Variants in TASP1 observed in about 807,000 individuals in gnomAD.
TASP1 encodes the protein threonine aspartase 1.
A neutral mutation model predicts 56.6 loss-of-function variants in TASP1; 16 were observed. The observed-to-expected ratio is 0.28, with a 90% CI of 0.19 to 0.43. The LOEUF (loss-of-function observed/expected upper bound fraction) is 0.43. Among genes scored for constraint, TASP1 ranks in the 20% least tolerant of loss-of-function variants. The pLI is 1.00. For synonymous variants in TASP1, 179 were observed against 184.2 expected (o/e 0.97, Z 0.23); for missense variants, 393 against 511.6 (o/e 0.77, Z 2.24).
chr20:13,580,490 C>A (rs2047080988), intron 6 of TASP1, among the ~76,000 whole-genome samples: 1 of 151,752 alleles, frequency 6.6e-6, no homozygotes, highest in East Asian at 1.9e-4. Flanking sequence ...AAACAAAAAA[C>A]CCTATAGGAA....
At chr20:13,460,129 T>G (rs769731649) in intron 11 of TASP1, among the ~76,000 whole-genome samples, 8 of 152,092 alleles carry the variant, frequency 5.3e-5, no homozygotes, top group Non-Finnish European at 1.0e-4. Flanking sequence ...TCCCCTCCAC[T>G]TCATCCAAAC....
the TASP1 span, among the ~76,000 whole-genome samples, chr20:13,311,247 A>AGATAGATAGATGATAGATAGAT: frequency 1.2e-4 from 14 of 116,222 alleles, no homozygotes; most frequent in African/African-American, 4.6e-4. Context: ...GATAGATGAT[A>AGATAGATAGATGATAGATAGAT]GATAGATAGA....
At chr20:13,173,655 T>C in the TASP1 span, among the ~76,000 whole-genome samples, 3 of 152,090 alleles carry the variant, frequency 2.0e-5, no homozygotes, top group Admixed American at 6.6e-5. Context: ...CCTCAGGATA[T>C]GAAAACAGAG....
chr20:13,520,922 T>A (rs2146799539), intron 10 of TASP1, among the ~76,000 whole-genome samples: 1 of 151,912 alleles, frequency 6.6e-6, no homozygotes, highest in African/African-American at 2.4e-5. Flanking sequence ...CCAACAAATT[T>A]ACAAGAAAAA....
the TASP1 span, chr20:13,126,705 G>A: frequency 1.2e-6 from 2 of 1,613,820 alleles, no homozygotes; most frequent in African/African-American, 2.7e-5. Flanking sequence ...GGGACTGGAT[G>A]GGACCACTCA....
At chr20:13,228,442 TTCTA>T in the TASP1 span, among the ~76,000 whole-genome samples, 2 of 152,236 alleles carry the variant, frequency 1.3e-5, no homozygotes, top group Non-Finnish European at 2.9e-5. Context: ...GTTGGCTGTC[TTCTA>T]TCTTATTTCC....
At chr20:13,398,749 T>A (rs547716112) in intron 13 of TASP1, among the ~76,000 whole-genome samples, 1 of 152,232 alleles carries the variant, frequency 6.6e-6, no homozygotes, top group African/African-American at 2.4e-5. Flanking sequence ...GAAAAATGTC[T>A]ATGAAGTGTT....
chr20:13,394,199 G>A (rs951151991), intron 13 of TASP1, among the ~76,000 whole-genome samples: 8 of 147,340 alleles, frequency 5.4e-5, no homozygotes, highest in South Asian at 2.1e-4. Context: ...CAGGAGAATC[G>A]CTTGAACCCA....
intron 10 of TASP1, among the ~76,000 whole-genome samples, chr20:13,520,111 T>G (rs1476946791): frequency 3.9e-4 from 60 of 152,160 alleles, no homozygotes; most frequent in Admixed American, 3.3e-3. Context: ...CACTGCTCAA[T>G]GAAATAAAAC....
the TASP1 span, chr20:13,168,312 G>A: frequency 6.6e-6 from 1 of 151,900 alleles, no homozygotes; most frequent in East Asian, 1.9e-4. Flanking sequence ...GCCTCCTGAG[G>A]AGCTGAGTTT....
At chr20:13,197,971 G>A in the TASP1 span, among the ~76,000 whole-genome samples, 40 of 152,132 alleles carry the variant, frequency 2.6e-4, 1 homozygote, top group Admixed American at 9.8e-4. Flanking sequence ...TAATAATTAG[G>A]CCTTTCCTAA....
the TASP1 span, chr20:13,154,247 G>A: frequency 7.2e-7 from 1 of 1,395,970 alleles, no homozygotes; most frequent in Non-Finnish European, 9.8e-7. Flanking sequence ...AGTGAGTTCA[G>A]AATTCACTCG....
At chr20:13,268,474 A>G in the TASP1 span, among the ~76,000 whole-genome samples, 9 of 150,064 alleles carry the variant, frequency 6.0e-5, no homozygotes, top group African/African-American at 2.0e-4. Flanking sequence ...TGTCAGGGCA[A>G]CTCCCTCTAC....
chr20:13,426,491 A>T (rs2042621670), intron 12 of TASP1, among the ~76,000 whole-genome samples: 1 of 152,176 alleles, frequency 6.6e-6, no homozygotes, highest in South Asian at 2.1e-4. Context: ...TGGAGAAGAA[A>T]ATTACAGATG....
chr20:13,483,441 A>G, intron 10 of TASP1, 104 bp from the exon 11 acceptor site: 1 of 664,456 alleles, frequency 1.5e-6, no homozygotes, highest in Admixed American at 3.3e-5. Context: ...GAGAGTAGTT[A>G]GCTGGGAAAA....
chr20:13,445,245 C>A (rs2043364267), intron 11 of TASP1, among the ~76,000 whole-genome samples: 2 of 152,100 alleles, frequency 1.3e-5, no homozygotes, highest in African/African-American at 4.8e-5. Context: ...TCAATTAAAG[C>A]CTCAGCTTCT....
the TASP1 span, among the ~76,000 whole-genome samples, chr20:13,215,680 T>C: frequency 6.6e-6 from 1 of 152,242 alleles, no homozygotes; most frequent in African/African-American, 2.4e-5. Context: ...CCCTCTGGAA[T>C]AGTTTCTTGA....
the TASP1 span, chr20:13,153,976 A>G: frequency 1.2e-6 from 2 of 1,610,726 alleles, no homozygotes; most frequent in South Asian, 1.1e-5. Context: ...GTGGGAATTG[A>G]TGGATTTCAC....
At chr20:13,418,877 T>C (rs1309656396) in intron 12 of TASP1, among the ~76,000 whole-genome samples, 2 of 152,200 alleles carry the variant, frequency 1.3e-5, no homozygotes, top group East Asian at 3.9e-4. Context: ...AGACTTGAAA[T>C]AGCAACACTC....
Sources: allele counts gnomAD v4.1 joint callset (sites outside exome capture counted in the v4.1 genomes callset), GRCh38; gene constraint gnomAD v4.1.1; transcripts MANE v1.5; gene names NCBI Gene and HGNC (gene_info 2026-07-23, HGNC 2026-07-21).